The following SLC7A14 variants were observed in gnomAD, a reference collection of about 807,000 sequenced individuals.
SLC7A14 encodes the protein solute carrier family 7 member 14, also known as gamma-aminobutyric acid transporter SLC7A14.
A neutral mutation model predicts 60.2 loss-of-function variants in SLC7A14; 37 were observed. That is an observed-to-expected ratio of 0.61 (90% confidence interval 0.47 to 0.81). The LOEUF (loss-of-function observed/expected upper bound fraction) is 0.81, where lower values mean the gene tolerates loss of function less well. Ranked by LOEUF, SLC7A14 falls within the 30% of genes least tolerant of loss-of-function variation. The pLI, the probability that SLC7A14 is intolerant of heterozygous loss-of-function variation, is 0.00. For synonymous variants in SLC7A14, 399 were observed against 395.8 expected, an observed-to-expected ratio of 1.01 and a Z score of -0.10; for missense variants, 886 against 982.7, an observed-to-expected ratio of 0.90 and a Z score of 1.32.
At chr3:170,483,871 C>G (rs1375808564) in intron 5 of SLC7A14, among the ~76,000 whole-genome samples, 1 of 152,190 alleles carries the variant, frequency 6.6e-6, no homozygotes, top group Non-Finnish European at 1.5e-5. Context: ...GAGCTGCAGC[C>G]AATGCCCTGC....
chr3:170,496,809 G>T (rs551909876), intron 4 of SLC7A14, among the ~76,000 whole-genome samples: 1 of 152,198 alleles, frequency 6.6e-6, no homozygotes, highest in Non-Finnish European at 1.5e-5. Flanking sequence ...GCTCCGCCAG[G>T]GCCATGGTTG....
At chr3:170,555,025 G>A (rs1451827067) in intron 1 of SLC7A14, among the ~76,000 whole-genome samples, 2 of 151,858 alleles carry the variant, frequency 1.3e-5, no homozygotes, top group African/African-American at 2.4e-5. Context: ...AAAATTAGCC[G>A]GGCATGGTGG....
intron 1 of SLC7A14, among the ~76,000 whole-genome samples, chr3:170,534,999 T>C (rs1445509336): frequency 6.6e-6 from 1 of 152,180 alleles, no homozygotes; most frequent in Non-Finnish European, 1.5e-5. Context: ...TTACTGAGCG[T>C]TGAGACACCA....
intron 1 of SLC7A14, among the ~76,000 whole-genome samples, chr3:170,568,025 T>A (rs1015979414): frequency 3.9e-5 from 6 of 152,230 alleles, no homozygotes; most frequent in Admixed American, 6.5e-5. Flanking sequence ...AGATCCCACT[T>A]GTCAATTTTG....
intron 1 of SLC7A14, among the ~76,000 whole-genome samples, chr3:170,583,072 A>G (rs1715281076): frequency 6.6e-6 from 1 of 152,236 alleles, no homozygotes; most frequent in Non-Finnish European, 1.5e-5. Context: ...CTTTATTTAT[A>G]AAAATCCTTA....
intron 1 of SLC7A14, among the ~76,000 whole-genome samples, chr3:170,578,261 A>C (rs1311288236): frequency 6.6e-6 from 1 of 152,268 alleles, no homozygotes; most frequent in Non-Finnish European, 1.5e-5. Context: ...ATGCTGAATC[A>C]CGTAAACAAT....
chr3:170,544,314 A>G lies in SLC7A14; in HGVS notation c.-152-17226T>C, dbSNP rs565147847. ...TGAACTCTGGGTGTCACTCTGTTGC[A>G]AGCAGAAAAAAGGTAAAATAGACAC... On this transcript the variant is annotated intron_variant, in intron 1 of 7. Coordinates refer to ENST00000231706, the MANE Select transcript of SLC7A14 (RefSeq NM_020949.3). Among the ~76,000 whole-genome samples the G allele has an allele frequency of 2.8e-4, 43 of 152,128 alleles. 1 individual carries two copies. Among genetic ancestry groups the G allele is most frequent in the Middle Eastern group, 3.4e-3 (1 of 294 alleles).
chr3:170,548,313 A>C (rs1157812489), intron 1 of SLC7A14, among the ~76,000 whole-genome samples: 1 of 152,214 alleles, frequency 6.6e-6, no homozygotes, highest in Non-Finnish European at 1.5e-5. Flanking sequence ...ACATTAAAAA[A>C]AAAATCACTG....
chr3:170,470,934 C>T (rs1399013392), intron 7 of SLC7A14, among the ~76,000 whole-genome samples: 1 of 152,056 alleles, frequency 6.6e-6, no homozygotes, highest in African/African-American at 2.4e-5. Context: ...TTCTGGGAAT[C>T]CTGAATCATC....
At chr3:170,488,882 G>A (rs1401081399) in intron 4 of SLC7A14, among the ~76,000 whole-genome samples, 2 of 151,932 alleles carry the variant, frequency 1.3e-5, no homozygotes, top group Non-Finnish European at 2.9e-5. Flanking sequence ...AATAAGCGGG[G>A]TTATAAATAA....
At chr3:170,574,421 G>A (rs189427069) in intron 1 of SLC7A14, among the ~76,000 whole-genome samples, 143 of 152,198 alleles carry the variant, frequency 9.4e-4, no homozygotes, top group African/African-American at 3.3e-3. Context: ...TTGCCCAATT[G>A]CCTGGTCTCT....
rs759692495 is a variant in SLC7A14 at position 170,480,355 on chromosome 3, T to C, written c.1927A>G (p.Asn643Asp). The C allele has an allele frequency of 7.5e-6, 12 of 1,597,856 alleles. No individual in the cohort carries two copies. Among genetic ancestry groups the C allele is most frequent in the South Asian group, 1.1e-5 (1 of 88,132 alleles). The change falls in exon 7 of 8, where the codon AAC becomes GAC. Residue 643 changes from asparagine (N) to aspartate (D), a missense_variant. Coordinates refer to ENST00000231706, the MANE Select transcript of SLC7A14 (RefSeq NM_020949.3). ...PFVPAFAMLV[N>D]IYLMLKLSTI... is the part of the protein sequence containing the mutation. The stretch of plus-strand genomic sequence containing the variant: ...GAGAGCTTTAGCATGAGATAGATGT[T>C]CACCAGCATGGCAAAGGCAGGCACA...
At chr3:170,523,836 C>A (rs1209008822) in intron 2 of SLC7A14, among the ~76,000 whole-genome samples, 6 of 152,164 alleles carry the variant, frequency 3.9e-5, no homozygotes, top group Non-Finnish European at 8.8e-5. Context: ...GGAAAAAAGA[C>A]ACTGGAGCAG....
At chr3:170,480,216 G>C in intron 7 of SLC7A14, 73 bp downstream of exon 7, 1 of 1,457,348 alleles carries the variant, frequency 6.9e-7, no homozygotes, top group Admixed American at 2.5e-5. Context: ...AGTCCAGCTA[G>C]GAGGTAATTT....
rs533059170 is a variant in SLC7A14 at position 170,500,844 on chromosome 3, C to G, written c.541+265G>C. Among the ~76,000 whole-genome samples the G allele has an allele frequency of 5.8e-4, 88 of 152,276 alleles. 2 individuals carry two copies. Among genetic ancestry groups the G allele is most frequent in the Admixed American group, 4.8e-3 (74 of 15,294 alleles). On this transcript the variant is annotated intron_variant, in intron 3 of 7. Transcript: ENST00000231706. ...GCAATTTACTTAGTCACTTGCCCCA[C>G]TGTAGAATATTTAGGCTGTCTCTAA...
At chr3:170,479,630 A>G (rs1440494095) in intron 7 of SLC7A14, among the ~76,000 whole-genome samples, 1 of 152,244 alleles carries the variant, frequency 6.6e-6, no homozygotes, top group Non-Finnish European at 1.5e-5. Flanking sequence ...CAGGAGAGAG[A>G]AAATCAGTAA....
intron 1 of SLC7A14, among the ~76,000 whole-genome samples, chr3:170,573,749 T>C (rs1337764873): frequency 6.6e-6 from 1 of 152,172 alleles, no homozygotes; most frequent in Non-Finnish European, 1.5e-5. Context: ...TGAAAAGTGT[T>C]CTTGGGTGGA....
At chr3:170,584,093 C>T (rs1321244952) in intron 1 of SLC7A14, among the ~76,000 whole-genome samples, 3 of 152,136 alleles carry the variant, frequency 2.0e-5, no homozygotes, top group African/African-American at 7.2e-5. Context: ...TTTTGGTTGG[C>T]AGCTATTGTG....
chr3:170,492,351 A>G (rs1001086518), intron 4 of SLC7A14, among the ~76,000 whole-genome samples: 2 of 152,162 alleles, frequency 1.3e-5, no homozygotes, highest in Non-Finnish European at 2.9e-5. Context: ...TAGTATTGAA[A>G]AAAATTAGCT....
Sources: gnomAD v4.1 joint callset for allele counts (sites outside exome capture counted in the v4.1 genomes callset) on GRCh38, gnomAD v4.1.1 for gene constraint, MANE v1.5 for transcripts, NCBI Gene and HGNC (gene_info 2026-07-23, HGNC 2026-07-21) for gene names.